The following MAPK9 variants were observed in gnomAD, a reference collection of about 807,000 sequenced individuals.
MAPK9 encodes Jun kinase.
MAPK9 carries 30 observed loss-of-function variants against 57.1 expected under a neutral mutation model. The ratio of observed to expected loss-of-function variants is 0.53; its 90% CI spans 0.39 to 0.71. MAPK9 has a LOEUF of 0.71. Among genes scored for constraint, MAPK9 ranks in the 30% least tolerant of loss-of-function variants. The pLI is 0.00. For missense variants in MAPK9, 362 were observed against 521.0 expected, an observed-to-expected ratio of 0.69 and a Z score of 2.97; for synonymous variants, 155 against 177.0, an observed-to-expected ratio of 0.88 and a Z score of 0.99.
At chr5:180,284,338 CCTT>C (rs1284812843) in intron 1 of MAPK9, among the ~76,000 whole-genome samples, 2 of 152,252 alleles carry the variant, frequency 1.3e-5, no homozygotes, top group Non-Finnish European at 2.9e-5. Flanking sequence ...AGGGCTCCCT[CCTT>C]GCCACTTGTG....
rs1334259648 is a variant in MAPK9 at position 180,241,100 on chromosome 5, C to A, written c.927G>T (p.Arg309=). The A allele has an allele frequency of 6.2e-6, 10 of 1,613,976 alleles. No individual in the cohort carries two copies. The highest frequency in any genetic ancestry group is 8.5e-6 in the Non-Finnish European group (10 of 1,179,996). The change falls in exon 9 of 12, where the codon CGG becomes CGT. Residue 309 remains arginine, a synonymous_variant. Coordinates refer to ENST00000452135, the MANE Select transcript of MAPK9 (RefSeq NM_002752.5). ...SKMLVIDPDK[R]ISVDEALRHP... is the part of the protein sequence containing the mutation. ...GACGCAGAGCTTCGTCTACAGAGATCCGCTTGTCAGGATCAATCACTAACA... is the reference window on the plus strand; with the variant it reads ...GACGCAGAGCTTCGTCTACAGAGATACGCTTGTCAGGATCAATCACTAACA...
chr5:180,253,551 T>C (rs1758936102), intron 5 of MAPK9: 1 of 152,262 alleles, frequency 6.6e-6, no homozygotes, highest in African/African-American at 2.4e-5. Flanking sequence ...ACGTAGTAGA[T>C]GTCCCAGATC....
intron 1 of MAPK9, among the ~76,000 whole-genome samples, chr5:180,290,317 C>T (rs1248161311): frequency 2.0e-5 from 3 of 152,204 alleles, no homozygotes. Context: ...CTGTGCCTCT[C>T]CCTGCCTAGC....
intron 6 of MAPK9, among the ~76,000 whole-genome samples, chr5:180,248,199 G>A (rs1406194426): frequency 6.6e-6 from 1 of 152,220 alleles, no homozygotes; most frequent in East Asian, 1.9e-4. Flanking sequence ...CTCATCTGTG[G>A]GGCCTCAGAC....
At chr5:180,285,179 G>C (rs1351065456) in intron 1 of MAPK9, among the ~76,000 whole-genome samples, 2 of 152,178 alleles carry the variant, frequency 1.3e-5, no homozygotes, top group Admixed American at 6.5e-5. Flanking sequence ...ATAACAACTA[G>C]TGAGAAGCAT....
chr5:180,284,400 T>C (rs887048467), intron 1 of MAPK9, among the ~76,000 whole-genome samples: 7 of 152,200 alleles, frequency 4.6e-5, no homozygotes, highest in African/African-American at 1.7e-4. Context: ...TTGTAGGGTC[T>C]GCCTCCCTTC....
At chr5:180,256,169 T>C (rs1230085747) in intron 5 of MAPK9, among the ~76,000 whole-genome samples, 3 of 152,246 alleles carry the variant, frequency 2.0e-5, no homozygotes, top group African/African-American at 7.2e-5. Flanking sequence ...CTGGGTTACT[T>C]GCATTTCATT....
At chr5:180,252,625 C>T (rs770813306) in intron 5 of MAPK9, among the ~76,000 whole-genome samples, 2 of 152,088 alleles carry the variant, frequency 1.3e-5, no homozygotes, top group African/African-American at 2.4e-5. Context: ...CCAAGGAACT[C>T]GTGTGGGCGT....
intron 2 of MAPK9, among the ~76,000 whole-genome samples, chr5:180,273,572 C>G (rs577744913): frequency 6.6e-6 from 1 of 152,260 alleles, no homozygotes; most frequent in South Asian, 2.1e-4. Flanking sequence ...CTTCCCTACC[C>G]CAAAGATCAT....
intron 4 of MAPK9, 34 bp downstream of exon 4, chr5:180,264,747 G>A (rs758228448): frequency 1.3e-6 from 2 of 1,525,466 alleles, no homozygotes; most frequent in Non-Finnish European, 1.8e-6. Context: ...ATTCTTTGAT[G>A]TACAGTGCAT....
chr5:180,276,175 G>C (rs1333089077), intron 2 of MAPK9, among the ~76,000 whole-genome samples: 1 of 152,106 alleles, frequency 6.6e-6, no homozygotes, highest in Non-Finnish European at 1.5e-5. Context: ...TGTGAACATT[G>C]TTATGTTTTT....
chr5:180,271,025 T>C lies in MAPK9; in HGVS notation c.123-1616A>G, dbSNP rs957566088. Among the ~76,000 whole-genome samples the C allele has an allele frequency of 3.9e-5, 6 of 152,224 alleles. No individual in the cohort carries two copies. The East Asian group carries it at 1.2e-3, about 29-fold the overall frequency. On this transcript the variant is annotated intron_variant, in intron 2 of 11. Transcript: ENST00000452135. The stretch of plus-strand genomic sequence containing the variant: ...CAGTTAATAACAATGTATTGTATTC[T>C]TGAAAATTGATGAGAGTAGATTTGT...
intron 7 of MAPK9, among the ~76,000 whole-genome samples, chr5:180,243,219 C>G (rs1757797841): frequency 6.6e-6 from 1 of 152,168 alleles, no homozygotes; most frequent in African/African-American, 2.4e-5. Flanking sequence ...AGCTGGGAAC[C>G]AAGCAACTGG....
At chr5:180,254,735 T>A (rs1239755521) in intron 5 of MAPK9, among the ~76,000 whole-genome samples, 1 of 151,980 alleles carries the variant, frequency 6.6e-6, no homozygotes, top group Non-Finnish European at 1.5e-5. Context: ...ACCACAGCAC[T>A]TAAAAAAGGT....
chr5:180,277,761 C>T (rs182580749), intron 2 of MAPK9, among the ~76,000 whole-genome samples: 37 of 152,266 alleles, frequency 2.4e-4, no homozygotes, highest in Non-Finnish European at 4.0e-4. Flanking sequence ...AGCTAATCTA[C>T]TGTTGAGCTT....
At chr5:180,244,943 G>A (rs1757968697) in intron 7 of MAPK9, among the ~76,000 whole-genome samples, 2 of 152,184 alleles carry the variant, frequency 1.3e-5, no homozygotes, top group African/African-American at 2.4e-5. Flanking sequence ...AGGCCCAGGG[G>A]CCAATCCCCC....
intron 7 of MAPK9, among the ~76,000 whole-genome samples, chr5:180,245,572 G>C (rs1338983451): frequency 6.6e-6 from 1 of 152,186 alleles, no homozygotes; most frequent in Non-Finnish European, 1.5e-5. Context: ...ATGGGGGACA[G>C]ATGAGAGGGA....
chr5:180,265,576 G>C (rs970705150), intron 3 of MAPK9, among the ~76,000 whole-genome samples: 1 of 152,184 alleles, frequency 6.6e-6, no homozygotes, highest in Non-Finnish European at 1.5e-5. Context: ...CGCCATGATT[G>C]CAAGTTTCCT....
At chr5:180,269,855 T>C (rs753874411) in intron 2 of MAPK9, among the ~76,000 whole-genome samples, 1 of 152,224 alleles carries the variant, frequency 6.6e-6, no homozygotes. Flanking sequence ...AATCTAAATT[T>C]TGAATCACTG....
Sources: allele counts gnomAD v4.1 joint callset (sites outside exome capture counted in the v4.1 genomes callset), GRCh38; gene constraint gnomAD v4.1.1; transcripts MANE v1.5; gene names NCBI Gene and HGNC (gene_info 2026-07-23, HGNC 2026-07-21).